LDB2: variants seen among roughly 807,000 people sequenced by gnomAD.
LDB2 encodes LIM domain-binding protein 2.
LDB2 carries 12 observed loss-of-function variants against 44.3 expected under a neutral mutation model. That is an observed-to-expected ratio of 0.27 (90% CI 0.17 to 0.44). The LOEUF (loss-of-function observed/expected upper bound fraction) is 0.44, where lower values mean the gene tolerates loss of function less well. Among genes scored for constraint, LDB2 ranks in the 20% least tolerant of loss-of-function variants. The pLI, the probability that LDB2 is intolerant of heterozygous loss-of-function variation, is 1.00. For synonymous variants in LDB2, 164 were observed against 174.8 expected (o/e 0.94, Z 0.49); for missense variants, 344 against 473.5 (o/e 0.73, Z 2.54).
At chr4:16,848,617 C>T (rs906396873) in intron 1 of LDB2, among the ~76,000 whole-genome samples, 2 of 152,136 alleles carry the variant, frequency 1.3e-5, no homozygotes, top group Non-Finnish European at 2.9e-5. Flanking sequence ...GAAGCTGCAG[C>T]GTCATACACT....
At chr4:16,532,017 C>G (rs1730314453) in intron 5 of LDB2, among the ~76,000 whole-genome samples, 1 of 144,298 alleles carries the variant, frequency 6.9e-6, no homozygotes, top group Admixed American at 7.3e-5. Flanking sequence ...AGGTTTCATT[C>G]TAGCTTAGCA....
intron 5 of LDB2, among the ~76,000 whole-genome samples, chr4:16,523,909 A>T (rs1727240722): frequency 6.6e-6 from 1 of 152,234 alleles, no homozygotes; most frequent in Non-Finnish European, 1.5e-5. Context: ...ACCTGCAGCA[A>T]CTAATATTAC....
chr4:16,816,033 C>A (rs1482773544), intron 1 of LDB2, among the ~76,000 whole-genome samples: 1 of 152,054 alleles, frequency 6.6e-6, no homozygotes. Flanking sequence ...CATGGTGAAA[C>A]CCTGTCTCTA....
chr4:16,810,996 C>T (rs1428995085), intron 1 of LDB2, among the ~76,000 whole-genome samples: 1 of 152,158 alleles, frequency 6.6e-6, no homozygotes, highest in African/African-American at 2.4e-5. Flanking sequence ...AACTGTTCCA[C>T]CTCAGATCAT....
intron 5 of LDB2, chr4:16,581,385 T>A (rs1366454238): frequency 7.1e-6 from 7 of 983,002 alleles, no homozygotes; most frequent in Non-Finnish European, 7.2e-6. Context: ...CCCAAGCCCA[T>A]GTCACAGTGA....
intron 1 of LDB2, among the ~76,000 whole-genome samples, chr4:16,839,746 T>C (rs1785527659): frequency 1.3e-5 from 2 of 152,172 alleles, no homozygotes; most frequent in African/African-American, 4.8e-5. Context: ...GATACTATTA[T>C]TTAGAGATAC....
intron 1 of LDB2, among the ~76,000 whole-genome samples, chr4:16,772,789 A>G (rs922339539): frequency 1.3e-5 from 2 of 152,204 alleles, no homozygotes; most frequent in African/African-American, 4.8e-5. Context: ...GATTCAAGAA[A>G]CTGATATGTC....
At chr4:16,555,953 C>A (rs1288165976) in intron 5 of LDB2, among the ~76,000 whole-genome samples, 1 of 152,182 alleles carries the variant, frequency 6.6e-6, no homozygotes, top group Non-Finnish European at 1.5e-5. Flanking sequence ...TGCAATGGAA[C>A]CTCTGTTGGG....
intron 1 of LDB2, among the ~76,000 whole-genome samples, chr4:16,869,604 T>C (rs1318712465): frequency 6.6e-6 from 1 of 152,202 alleles, no homozygotes; most frequent in Non-Finnish European, 1.5e-5. Context: ...GGCTGAGGCA[T>C]GGTCGACCTG....
chr4:16,765,943 C>T (rs1435159853), intron 1 of LDB2, among the ~76,000 whole-genome samples: 6 of 152,168 alleles, frequency 3.9e-5, no homozygotes, highest in Admixed American at 2.0e-4. Flanking sequence ...GCTGGTAGTA[C>T]ATGAATGCAC....
intron 1 of LDB2, among the ~76,000 whole-genome samples, chr4:16,844,248 CAA>C (rs34034796): frequency 2.0e-4 from 6 of 30,074 alleles, no homozygotes; most frequent in African/African-American, 6.6e-4. Flanking sequence ...ACCCTGTCTC[CAA>C]AAAAAAAAAA....
intron 2 of LDB2, among the ~76,000 whole-genome samples, chr4:16,621,139 G>A (rs1469025237): frequency 6.6e-6 from 1 of 152,112 alleles, no homozygotes; most frequent in Non-Finnish European, 1.5e-5. Flanking sequence ...CAGGCCAGGG[G>A]TACCTATATA....
intron 2 of LDB2, among the ~76,000 whole-genome samples, chr4:16,720,984 C>T (rs1250652883): frequency 6.6e-6 from 1 of 152,116 alleles, no homozygotes; most frequent in Non-Finnish European, 1.5e-5. Context: ...AAGTTCAAGT[C>T]ACTTGACAGG....
intron 1 of LDB2, among the ~76,000 whole-genome samples, chr4:16,762,055 G>C (rs932994749): frequency 3.9e-5 from 6 of 152,106 alleles, no homozygotes; most frequent in African/African-American, 1.4e-4. Flanking sequence ...GGCCAGCCAG[G>C]CGTGGTGGTG....
At chr4:16,702,544 C>A (rs917706904) in intron 2 of LDB2, among the ~76,000 whole-genome samples, 1 of 152,214 alleles carries the variant, frequency 6.6e-6, no homozygotes, top group Admixed American at 6.5e-5. Flanking sequence ...GTGAAAGAAG[C>A]TGCTTCTGTG....
chr4:16,540,889 TAC>T (rs747628819), intron 5 of LDB2, among the ~76,000 whole-genome samples: 44 of 152,316 alleles, frequency 2.9e-4, no homozygotes, highest in Non-Finnish European at 4.6e-4. Flanking sequence ...ATGCAAAATT[TAC>T]AGAGAAGCAT....
intron 5 of LDB2, among the ~76,000 whole-genome samples, chr4:16,574,491 C>T (rs369303290): frequency 5.3e-5 from 8 of 152,268 alleles, no homozygotes; most frequent in Admixed American, 3.9e-4. Context: ...AATTCAAAGC[C>T]GCAACCAATG....
chr4:16,678,556 G>A (rs1746931668), intron 2 of LDB2, among the ~76,000 whole-genome samples: 1 of 152,098 alleles, frequency 6.6e-6, no homozygotes, highest in Non-Finnish European at 1.5e-5. Flanking sequence ...AACACTCTGG[G>A]CTACTCTTGG....
intron 1 of LDB2, among the ~76,000 whole-genome samples, chr4:16,784,489 C>G (rs1773955265): frequency 6.6e-6 from 1 of 152,208 alleles, no homozygotes; most frequent in South Asian, 2.1e-4. Flanking sequence ...GCATGAGAGT[C>G]TCTTGTGAAG....
Sources: allele counts gnomAD v4.1 joint callset (sites outside exome capture counted in the v4.1 genomes callset), GRCh38; gene constraint gnomAD v4.1.1; transcripts MANE v1.5; gene names NCBI Gene and HGNC (gene_info 2026-07-23, HGNC 2026-07-21).